Variants in PRAG1 observed in about 807,000 individuals in gnomAD.
PRAG1 encodes PEAK1 related, kinase-activating pseudokinase 1.
A neutral mutation model predicts 95.6 loss-of-function variants in PRAG1; 110 were observed. The ratio of observed to expected loss-of-function variants is 1.15; its 90% confidence interval spans 0.99 to 1.35. The LOEUF (loss-of-function observed/expected upper bound fraction) is 1.35. Ranked by LOEUF, PRAG1 falls within the 40% of genes most tolerant of loss-of-function variation. PRAG1 has a pLI of 0.00. For missense variants in PRAG1, 2,554 were observed against 1,864.7 expected (o/e 1.37, Z -6.81); for synonymous variants, 1,052 against 819.4 (o/e 1.28, Z -4.85).
chr8:8,319,234 G>T lies in PRAG1; in HGVS notation c.3141C>A (p.Ile1047=), dbSNP rs1248271957. 6.4e-7 allele frequency: 1 copy of T among 1,564,948 alleles called. No individual in the cohort carries two copies. Among genetic ancestry groups the T allele is most frequent in the Non-Finnish European group, 8.7e-7 (1 of 1,150,190 alleles). The part of the protein sequence containing the change: ...CSPSVPVHFN[I]QQDCGHFVAS... ...CGACGAAGTGGCCGCAGTCCTGCTG[G>T]ATGTTAAAGTGCACGGGCACGGACG... The change falls in exon 6 of 6, where the codon ATC becomes ATA. Residue 1047 remains isoleucine (I), a synonymous_variant. Coordinates refer to ENST00000615670, the MANE Select transcript of PRAG1 (RefSeq NM_001080826.3).
At chr8:8,349,546 T>C (rs1379623272) in intron 3 of PRAG1, among the ~76,000 whole-genome samples, 1 of 152,100 alleles carries the variant, frequency 6.6e-6, no homozygotes, top group Non-Finnish European at 1.5e-5. Context: ...CCTCCCAAAG[T>C]GCTGGGATTA....
At chr8:8,361,503 C>T (rs1799847465) in intron 3 of PRAG1, among the ~76,000 whole-genome samples, 1 of 152,116 alleles carries the variant, frequency 6.6e-6, no homozygotes, top group South Asian at 2.1e-4. Context: ...CATTTCTTAT[C>T]AGATGAGGCA....
rs567774316 is a variant in PRAG1, at chr8:8,333,887, A to C, written c.2321-5426T>G. Among the ~76,000 whole-genome samples, 3 of 152,350 alleles carry C rather than the reference A, an allele frequency of 2.0e-5. 1 individual carries two copies. The South Asian group carries it at 6.2e-4, about 32-fold the overall frequency. ...CCCATACCCTGTGCCCTGGGGCCCT[A>C]GTGCAATTCTCTCATGTGAGAGGTG... On this transcript the variant is annotated intron_variant, in intron 4 of 5. Coordinates refer to ENST00000615670, the MANE Select transcript of PRAG1 (RefSeq NM_001080826.3).
chr8:8,377,340 A>C lies in PRAG1; in HGVS notation c.1069T>G (p.Phe357Val). 3 of 1,601,166 alleles carry C rather than the reference A, an allele frequency of 1.9e-6. No homozygotes were observed. The highest frequency in any genetic ancestry group is 2.6e-6 in the Non-Finnish European group (3 of 1,174,610). The change falls in exon 3 of 6, where the codon TTC (phenylalanine) becomes GTC (valine). Residue 357 changes from phenylalanine (F) to valine (V), a missense_variant. Phe to Val is a conservative substitution (Grantham distance 50). Transcript: ENST00000615670. ...TAATCACTCTCGAGGTGGGGGACGA[A>C]GGGGCTACTGGCGCCGCTGCCGCTG... ...SGSGSGASSP[F>V]VPHLESDYCS...
At chr8:8,331,280 T>G (rs569208930) in intron 4 of PRAG1, among the ~76,000 whole-genome samples, 57 of 152,282 alleles carry the variant, frequency 3.7e-4, no homozygotes, top group African/African-American at 1.3e-3. Flanking sequence ...TTGTCTTCCT[T>G]GTCTTTACTA....
chr8:8,353,958 A>T (rs1022195186), intron 3 of PRAG1, among the ~76,000 whole-genome samples: 1 of 152,076 alleles, frequency 6.6e-6, no homozygotes, highest in Non-Finnish European at 1.5e-5. Flanking sequence ...AATAAAGAAC[A>T]GAAAAGCCAC....
At chr8:8,359,950 TA>T in intron 3 of PRAG1, among the ~76,000 whole-genome samples, 3 of 152,346 alleles carry the variant, frequency 2.0e-5, no homozygotes, top group Middle Eastern at 6.8e-3. Context: ...CCATATTTTC[TA>T]AAATTTTTGC....
chr8:8,347,035 G>A (rs1799366245), intron 3 of PRAG1, among the ~76,000 whole-genome samples: 1 of 152,166 alleles, frequency 6.6e-6, no homozygotes, highest in African/African-American at 2.4e-5. Flanking sequence ...TAAATGTTCT[G>A]AAAGCAAGAA....
intron 4 of PRAG1, among the ~76,000 whole-genome samples, chr8:8,331,877 G>A (rs1372590797): frequency 6.6e-6 from 1 of 152,186 alleles, no homozygotes; most frequent in Admixed American, 6.5e-5. Flanking sequence ...TCTGACAAGG[G>A]GTACTAGGTA....
chr8:8,370,834 G>A (rs143760187), intron 3 of PRAG1, among the ~76,000 whole-genome samples: 1,784 of 152,276 alleles, frequency 0.012, 27 homozygotes, highest in African/African-American at 0.041. Context: ...CTACTGAGAA[G>A]CAGCTCAGGA....
intron 5 of PRAG1, among the ~76,000 whole-genome samples, chr8:8,325,196 C>T (rs1371742322): frequency 6.6e-6 from 1 of 152,224 alleles, no homozygotes; most frequent in Non-Finnish European, 1.5e-5. Flanking sequence ...GGAACAGCTG[C>T]CCGTGCGAAA....
rs1798329940 is a variant in PRAG1 at position 8,317,980 on chromosome 8, A to C, written c.*174T>G. The C allele has an allele frequency of 4.6e-6, 2 of 439,160 alleles. No individual in the cohort carries two copies. The highest frequency in any genetic ancestry group is 3.7e-6 in the Non-Finnish European group (1 of 272,496). 27.2% of individuals were successfully genotyped at this position (439,160 alleles called of 1,614,324 possible). Reference sequence around the variant, plus strand: ...AGTGTGGACGGGCAACAGCATCCTTAGTCTTTCATATTTATATATGGTATA... The same window carrying C: ...AGTGTGGACGGGCAACAGCATCCTTCGTCTTTCATATTTATATATGGTATA... On this transcript the variant is annotated 3_prime_UTR_variant, in exon 6 of 6. Coordinates refer to ENST00000615670, the MANE Select transcript of PRAG1 (RefSeq NM_001080826.3).
chr8:8,379,395 G>T (rs776299109), intron 2 of PRAG1, among the ~76,000 whole-genome samples: 1 of 152,118 alleles, frequency 6.6e-6, no homozygotes, highest in Non-Finnish European at 1.5e-5. Flanking sequence ...CTCAAAGCAG[G>T]GCCTGCCTCT....
intron 4 of PRAG1, among the ~76,000 whole-genome samples, chr8:8,336,927 C>T (rs1262203966): frequency 7.5e-5 from 11 of 147,632 alleles, no homozygotes; most frequent in Admixed American, 3.4e-4. Context: ...CCCCCACCTC[C>T]GACATAAAGC....
chr8:8,330,924 C>G (rs938824687), intron 4 of PRAG1, among the ~76,000 whole-genome samples: 1 of 152,206 alleles, frequency 6.6e-6, no homozygotes, highest in Non-Finnish European at 1.5e-5. Context: ...CTGTAAGCCT[C>G]AGTCACCAAA....
intron 3 of PRAG1, among the ~76,000 whole-genome samples, chr8:8,375,059 C>G (rs1205956839): frequency 6.6e-6 from 1 of 150,620 alleles, no homozygotes; most frequent in African/African-American, 2.4e-5. Flanking sequence ...CATTTAAAAC[C>G]CATGCACAGC....
At chr8:8,381,860 T>A (rs1292229072) in intron 1 of PRAG1, 26 bp from the exon 2 acceptor site, 5 of 805,902 alleles carry the variant, frequency 6.2e-6, no homozygotes. Context: ...AGTTTCCTGA[T>A]TAGAGATTTG....
chr8:8,331,286 T>C (rs1440674050), intron 4 of PRAG1, among the ~76,000 whole-genome samples: 1 of 152,168 alleles, frequency 6.6e-6, no homozygotes, highest in Non-Finnish European at 1.5e-5. Context: ...TCCTTGTCTT[T>C]ACTACAAGGC....
chr8:8,337,374 G>A (rs1173027061), intron 4 of PRAG1, among the ~76,000 whole-genome samples: 1 of 152,228 alleles, frequency 6.6e-6, no homozygotes, highest in Admixed American at 6.5e-5. Flanking sequence ...GCCTTGGTAA[G>A]CGGTGAGAAG....
Sources: allele counts gnomAD v4.1 joint callset (sites outside exome capture counted in the v4.1 genomes callset), GRCh38; gene constraint gnomAD v4.1.1; transcripts MANE v1.5; gene names NCBI Gene and HGNC (gene_info 2026-07-23, HGNC 2026-07-21).